Variants in ZNF708 observed in about 807,000 individuals in gnomAD.
The protein encoded by ZNF708 is ZNF15, ZNF15L1.
Under a neutral mutation model 47.0 loss-of-function variants are expected in ZNF708, and 44 were observed. The ratio of observed to expected loss-of-function variants is 0.94; its 90% CI spans 0.74 to 1.20. ZNF708 has a LOEUF of 1.20. Among genes scored for constraint, ZNF708 ranks in the 50% most tolerant of loss-of-function variants. The pLI is 0.00. For missense variants in ZNF708, 557 were observed against 656.0 expected (o/e 0.85, Z 1.65); for synonymous variants, 184 against 218.5 (o/e 0.84, Z 1.39).
At chr19:21,316,551 A>G (rs541774838) in intron 1 of ZNF708, among the ~76,000 whole-genome samples, 28 of 152,294 alleles carry the variant, frequency 1.8e-4, no homozygotes, top group Non-Finnish European at 2.9e-4. Context: ...GCAAGAGGAG[A>G]AAAAAGGAAT....
Position 21,293,164 on chromosome 19 carries a change from A to G in ZNF708, c.*110T>C. 7.8e-7 allele frequency: 1 copy of G among 1,279,356 alleles called. No individual in the cohort carries two copies. The highest frequency in any genetic ancestry group is 1.1e-6 in the Non-Finnish European group (1 of 906,554). 79.3% of individuals were successfully genotyped at this position (1,279,356 alleles called of 1,614,324 possible). ...ATTATCTTTTGTTTCATAAGGATTA[A>G]GAGCCAGTTAAAGGCTTTGCCACAT... On this transcript the variant is annotated 3_prime_UTR_variant, in exon 4 of 4. Transcript: ENST00000356929.
At chr19:21,319,611 C>T (rs541071774) in intron 1 of ZNF708, among the ~76,000 whole-genome samples, 2 of 152,084 alleles carry the variant, frequency 1.3e-5, no homozygotes, top group South Asian at 4.2e-4. Flanking sequence ...CCACCACGCC[C>T]AGCTAATTTT....
At chr19:21,297,638 T>C (rs1220960587) in intron 3 of ZNF708, among the ~76,000 whole-genome samples, 2 of 151,942 alleles carry the variant, frequency 1.3e-5, no homozygotes, top group Admixed American at 6.6e-5. Flanking sequence ...TTTAAATATA[T>C]ATAAAATTAA....
chr19:21,312,072 A>T (rs1041195429), intron 1 of ZNF708, among the ~76,000 whole-genome samples: 1 of 152,166 alleles, frequency 6.6e-6, no homozygotes, highest in Non-Finnish European at 1.5e-5. Flanking sequence ...AGGGGGGTGG[A>T]TCTTCTGAGG....
chr19:21,327,532 C>CAA (rs34203181), intron 1 of ZNF708, among the ~76,000 whole-genome samples: 2,505 of 133,760 alleles, frequency 0.019, 39 homozygotes, highest in South Asian at 0.029. Flanking sequence ...AACTCCACCT[C>CAA]AAAAAAAAAA....
intron 3 of ZNF708, among the ~76,000 whole-genome samples, chr19:21,299,195 A>G (rs1241491660): frequency 1.3e-5 from 2 of 152,064 alleles, no homozygotes; most frequent in East Asian, 3.9e-4. Flanking sequence ...CTCTACTAAA[A>G]ATACAAAAAT....
At chr19:21,308,869 A>G (rs1184730397) in intron 3 of ZNF708, among the ~76,000 whole-genome samples, 1 of 152,166 alleles carries the variant, frequency 6.6e-6, no homozygotes, top group Non-Finnish European at 1.5e-5. Flanking sequence ...AGAAACCACA[A>G]CTCTTACACA....
At chr19:21,311,968 G>C (rs917995858) in intron 1 of ZNF708, among the ~76,000 whole-genome samples, 1 of 152,044 alleles carries the variant, frequency 6.6e-6, no homozygotes, top group African/African-American at 2.4e-5. Context: ...CTCAATTCTA[G>C]CCTCATGTTA....
At chr19:21,309,196 T>G (rs1458488142) in intron 3 of ZNF708, 50 bp downstream of exon 3, 1 of 1,478,394 alleles carries the variant, frequency 6.8e-7, no homozygotes, top group Non-Finnish European at 9.1e-7. Flanking sequence ...TTTTCTCTTT[T>G]ACCTTTGGAC....
chr19:21,294,512 AT>A lies in ZNF708; in HGVS notation c.453del (p.Lys151AsnfsTer10). The A allele has an allele frequency of 6.2e-7, 1 of 1,614,174 alleles. No homozygotes were observed. Among genetic ancestry groups the A allele is most frequent in the Non-Finnish European group, 8.5e-7 (1 of 1,180,010 alleles). On this transcript the variant is annotated frameshift_variant, in exon 4 of 4. Transcript: ENST00000356929. LOFTEE classifies it high-confidence loss of function. ...QCDKYVKVFH[K>X]YSNAKRHKIR... ...ATCTTATGTCTCTTTGCATTTGAAT[AT>A]TTATGAAAGACTTTCACGTATTTGT...
At chr19:21,303,411 G>A (rs1173029435) in intron 3 of ZNF708, among the ~76,000 whole-genome samples, 1 of 152,066 alleles carries the variant, frequency 6.6e-6, no homozygotes, top group Non-Finnish European at 1.5e-5. Flanking sequence ...AAAATTAGAT[G>A]GGTGTGGTGG....
chr19:21,299,000 A>G (rs1355206410), intron 3 of ZNF708, among the ~76,000 whole-genome samples: 1 of 152,234 alleles, frequency 6.6e-6, no homozygotes, highest in African/African-American at 2.4e-5. Context: ...TACACTCTGA[A>G]ACAGAACAAG....
At chr19:21,317,382 C>T (rs1973037459) in intron 1 of ZNF708, among the ~76,000 whole-genome samples, 1 of 152,088 alleles carries the variant, frequency 6.6e-6, no homozygotes, top group Non-Finnish European at 1.5e-5. Context: ...CTGTAGAGGA[C>T]AATAGATACC....
At chr19:21,320,205 A>G (rs1973099190) in intron 1 of ZNF708, among the ~76,000 whole-genome samples, 2 of 152,138 alleles carry the variant, frequency 1.3e-5, no homozygotes, top group South Asian at 4.1e-4. Context: ...TCCTCACAGA[A>G]CTACAGAACT....
chr19:21,327,486 C>G (rs1973284607), intron 1 of ZNF708, among the ~76,000 whole-genome samples: 1 of 148,798 alleles, frequency 6.7e-6, no homozygotes, highest in Non-Finnish European at 1.5e-5. Flanking sequence ...GACCCGAGAT[C>G]GTGCCATTGC....
chr19:21,315,926 C>A (rs1480048093), intron 1 of ZNF708, among the ~76,000 whole-genome samples: 2 of 151,496 alleles, frequency 1.3e-5, no homozygotes, highest in Non-Finnish European at 1.5e-5. Flanking sequence ...GATTATTAGC[C>A]AGGCATGGTG....
intron 3 of ZNF708, among the ~76,000 whole-genome samples, chr19:21,299,120 C>T (rs1972602214): frequency 6.6e-6 from 1 of 152,148 alleles, no homozygotes; most frequent in Non-Finnish European, 1.5e-5. Flanking sequence ...CTTTAGGGGG[C>T]CGAGGCGGGT....
chr19:21,315,585 G>A (rs1169275621), intron 1 of ZNF708, among the ~76,000 whole-genome samples: 1 of 152,174 alleles, frequency 6.6e-6, no homozygotes, highest in Non-Finnish European at 1.5e-5. Flanking sequence ...TAACCTGGGA[G>A]CAAATATTCA....
intron 3 of ZNF708, among the ~76,000 whole-genome samples, chr19:21,301,989 T>C (rs1230380721): frequency 2.0e-5 from 3 of 152,134 alleles, no homozygotes; most frequent in Non-Finnish European, 4.4e-5. Flanking sequence ...GTCCAGGCAC[T>C]GTGGTTCGGG....
Sources: gnomAD v4.1 joint callset for allele counts (sites outside exome capture counted in the v4.1 genomes callset) on GRCh38, gnomAD v4.1.1 for gene constraint, MANE v1.5 for transcripts, NCBI Gene and HGNC (gene_info 2026-07-23, HGNC 2026-07-21) for gene names.